The following NRXN3 variants were observed in gnomAD, a reference collection of about 807,000 sequenced individuals.
NRXN3 encodes neurexin III.
A neutral mutation model predicts 137.6 loss-of-function variants in NRXN3; 32 were observed. The observed-to-expected ratio is 0.23, with a 90% CI of 0.18 to 0.31. The LOEUF (loss-of-function observed/expected upper bound fraction) is 0.31, where lower values mean the gene tolerates loss of function less well. Ranked by LOEUF, NRXN3 falls within the 10% of genes least tolerant of loss-of-function variation. The pLI is 1.00. For missense variants in NRXN3, 1,574 were observed against 2,062.5 expected (o/e 0.76, Z 4.59); for synonymous variants, 798 against 784.5 (o/e 1.02, Z -0.29).
intron 20 of NRXN3, among the ~76,000 whole-genome samples, chr14:79,857,290 C>G (rs572916173): frequency 2.0e-5 from 3 of 152,264 alleles, no homozygotes; most frequent in African/African-American, 7.2e-5. Flanking sequence ...GGCGTGATCT[C>G]GGCTCACTGC....
intron 20 of NRXN3, among the ~76,000 whole-genome samples, chr14:79,843,365 G>C (rs2141504698): frequency 6.6e-6 from 1 of 152,308 alleles, no homozygotes; most frequent in African/African-American, 2.4e-5. Flanking sequence ...GTGATCAACA[G>C]TATTCAGCGA....
At chr14:79,011,238 T>C (rs1376148665) in intron 15 of NRXN3, among the ~76,000 whole-genome samples, 1 of 152,148 alleles carries the variant, frequency 6.6e-6, no homozygotes. Flanking sequence ...ACTGAGAGAC[T>C]GGAGATCCAA....
chr14:79,863,149 C>G lies in NRXN3; in HGVS notation c.*1185C>G, dbSNP rs1428327780. ...AAAACACATAGTTCTTTCCCCGCCC[C>G]GAATGTGACAATGGTTTTCATAGTG... is the stretch of plus-strand genomic sequence containing the variant. On this transcript the variant is annotated 3_prime_UTR_variant, in exon 21 of 21. Coordinates refer to ENST00000335750, the MANE Select transcript of NRXN3 (RefSeq NM_001330195.2). The G allele has an allele frequency of 1.3e-5, 2 of 152,502 alleles. No homozygotes were observed. Among genetic ancestry groups the G allele is most frequent in the African/African-American group, 4.8e-5 (2 of 41,414 alleles). 9.4% of individuals were successfully genotyped at this position (152,502 alleles called of 1,614,324 possible). A position where few individuals can be genotyped will look rare whatever the true frequency, so the allele number is the denominator to read the frequency against.
At chr14:79,149,357 G>T (rs1256804208) in intron 15 of NRXN3, among the ~76,000 whole-genome samples, 1 of 151,502 alleles carries the variant, frequency 6.6e-6, no homozygotes, top group African/African-American at 2.4e-5. Flanking sequence ...TAATTCAAAG[G>T]CTAACAGAAA....
At chr14:79,248,390 C>T (rs1335350899) in intron 15 of NRXN3, among the ~76,000 whole-genome samples, 1 of 152,158 alleles carries the variant, frequency 6.6e-6, no homozygotes, top group African/African-American at 2.4e-5. Context: ...CCTGAAATGC[C>T]TTCTAGCTGT....
chr14:78,271,232 C>T (rs2072678665), intron 2 of NRXN3, among the ~76,000 whole-genome samples: 1 of 152,126 alleles, frequency 6.6e-6, no homozygotes, highest in South Asian at 2.1e-4. Context: ...TGTTGCATCC[C>T]AACTTCATCT....
chr14:78,815,061 T>C lies in NRXN3; in HGVS notation c.2275+4717T>C, dbSNP rs372485247. ...TCTTCATTATCTTTCTAAAATGGAG[T>C]GTATATGTGGCATGGAAATTGTGAG... On this transcript the variant is annotated intron_variant, in intron 10 of 20. Coordinates refer to ENST00000335750, the MANE Select transcript of NRXN3 (RefSeq NM_001330195.2). 2.6e-5 allele frequency among the ~76,000 whole-genome samples: 4 copies of C among 152,246 alleles called. No individual in the cohort carries two copies. The East Asian group carries it at 5.8e-4, about 22-fold the overall frequency.
chr14:78,646,137 C>G (rs1039089451), intron 5 of NRXN3, among the ~76,000 whole-genome samples: 2 of 152,098 alleles, frequency 1.3e-5, no homozygotes, highest in Non-Finnish European at 2.9e-5. Flanking sequence ...TGGTTCTGTC[C>G]GTGCTTGGGA....
At chr14:78,977,578 T>A (rs1000550675) in intron 14 of NRXN3, among the ~76,000 whole-genome samples, 3 of 152,114 alleles carry the variant, frequency 2.0e-5, no homozygotes, top group Admixed American at 6.6e-5. Flanking sequence ...AGGCATCCCA[T>A]GAAAATAGGG....
chr14:79,836,770 C>A (rs1383659784), intron 20 of NRXN3, among the ~76,000 whole-genome samples: 1 of 152,132 alleles, frequency 6.6e-6, no homozygotes, highest in Non-Finnish European at 1.5e-5. Flanking sequence ...GTTGGAGATG[C>A]TGGATGGAAA....
rs2154029475 is a variant in NRXN3 at position 79,697,731 on chromosome 14, G to T, written c.3808G>T (p.Gly1270Cys). ...CCAACTCTCTGGGCTCTATTATGATGGTTTGAAAGTACTGAACATGGCGGC... is the reference window on the plus strand; with the variant it reads ...CCAACTCTCTGGGCTCTATTATGATTGTTTGAAAGTACTGAACATGGCGGC... ...QGQLSGLYYD[G>C]LKVLNMAAEN... Residue 1270 changes from glycine (G) to cysteine (C), a missense_variant, in exon 19 of 21, where the codon GGT becomes TGT. Gly to Cys is a radical substitution (Grantham distance 159). Coordinates refer to ENST00000335750, the MANE Select transcript of NRXN3 (RefSeq NM_001330195.2). 1 of 1,613,140 alleles carries T rather than the reference G, an allele frequency of 6.2e-7. No homozygotes were observed. Among genetic ancestry groups the T allele is most frequent in the South Asian group, 1.1e-5 (1 of 91,062 alleles).
intron 1 of NRXN3, among the ~76,000 whole-genome samples, chr14:78,239,181 G>T (rs2066748339): frequency 6.6e-6 from 1 of 152,232 alleles, no homozygotes; most frequent in Non-Finnish European, 1.5e-5. Flanking sequence ...TCCATGACGA[G>T]GCCCTGTGGC....
chr14:79,560,841 G>A (rs1209744794), intron 16 of NRXN3, among the ~76,000 whole-genome samples: 2 of 150,394 alleles, frequency 1.3e-5, no homozygotes, highest in East Asian at 1.9e-4. Flanking sequence ...ACACCTGGCC[G>A]ATTGTGAGCT....
intron 4 of NRXN3, among the ~76,000 whole-genome samples, chr14:78,433,183 C>G (rs1839235456): frequency 6.6e-6 from 1 of 152,008 alleles, no homozygotes; most frequent in African/African-American, 2.4e-5. Flanking sequence ...GATTGAAGTC[C>G]CCATTTTTTT....
At chr14:78,401,586 A>G (rs2092065183) in intron 4 of NRXN3, among the ~76,000 whole-genome samples, 1 of 152,242 alleles carries the variant, frequency 6.6e-6, no homozygotes. Flanking sequence ...TGGGTCCCAA[A>G]AGGCCACTTT....
intron 4 of NRXN3, among the ~76,000 whole-genome samples, chr14:78,315,108 T>C (rs1270858448): frequency 6.6e-6 from 1 of 151,518 alleles, no homozygotes; most frequent in Non-Finnish European, 1.5e-5. Context: ...GCCTCTTGGG[T>C]TCAAGCAATT....
chr14:78,909,624 A>G (rs2099230838), intron 10 of NRXN3, among the ~76,000 whole-genome samples: 1 of 152,138 alleles, frequency 6.6e-6, no homozygotes, highest in South Asian at 2.1e-4. Context: ...CCTTGTCTTA[A>G]AAAAATCTTT....
Position 79,315,591 on chromosome 14 carries a change from A to T in NRXN3, c.3263-151630A>T, listed in dbSNP as rs534482676. Among the ~76,000 whole-genome samples, 23 of 152,334 alleles carry T rather than the reference A, an allele frequency of 1.5e-4. No individual in the cohort carries two copies. The East Asian group carries it at 4.2e-3, about 28-fold the overall frequency. ...CAAAGATATCTGATCACCAGACAAA[A>T]CAAGTACCAAAGTGCAGAAAAATAT... On this transcript the variant is annotated intron_variant, in intron 15 of 20. Coordinates refer to ENST00000335750, the MANE Select transcript of NRXN3 (RefSeq NM_001330195.2).
chr14:78,531,327 A>C (rs544040612), intron 4 of NRXN3, among the ~76,000 whole-genome samples: 1 of 152,152 alleles, frequency 6.6e-6, no homozygotes, highest in East Asian at 1.9e-4. Context: ...CACTTACTTC[A>C]TGTCAATCTT....
Sources: gnomAD v4.1 joint callset for allele counts (sites outside exome capture counted in the v4.1 genomes callset) on GRCh38, gnomAD v4.1.1 for gene constraint, MANE v1.5 for transcripts, NCBI Gene and HGNC (gene_info 2026-07-23, HGNC 2026-07-21) for gene names.